The following FAM234A variants were observed in gnomAD, a reference collection of about 807,000 sequenced individuals.
FAM234A encodes protein FAM234A.
In FAM234A, 42 loss-of-function variants were observed where a neutral mutation model predicts 49.1. The ratio of observed to expected loss-of-function variants is 0.86; its 90% CI spans 0.67 to 1.11. The LOEUF is 1.11. Ranked by LOEUF, FAM234A falls within the 50% of genes least tolerant of loss-of-function variation. The pLI, the probability that FAM234A is intolerant of heterozygous loss-of-function variation, is 0.00. For missense variants in FAM234A, 815 were observed against 745.2 expected (o/e 1.09, Z -1.09); for synonymous variants, 369 against 316.2 (o/e 1.17, Z -1.77).
At chr16:269,285 C>T, downstream of FAM234A, 1 of 1,574,654 alleles carries the variant, frequency 6.4e-7, no homozygotes, top group Non-Finnish European at 8.6e-7. Flanking sequence ...CACCCCATCT[C>T]CACCCCCAGG....
At chr16:257,936 C>T (rs567553186) in intron 3 of FAM234A, among the ~76,000 whole-genome samples, 1 of 152,204 alleles carries the variant, frequency 6.6e-6, no homozygotes, top group Non-Finnish European at 1.5e-5. Context: ...CAACTGACTG[C>T]AGCCTCCACC....
chr16:264,462 G>A (rs2051612000), intron 11 of FAM234A, 152 bp from the exon 12 acceptor site: 1 of 691,116 alleles, frequency 1.4e-6, no homozygotes. Flanking sequence ...GGGAGGACCT[G>A]GGAGGTGGCC....
At chr16:239,781 G>T (rs1251487394) in intron 1 of FAM234A, among the ~76,000 whole-genome samples, 1 of 152,104 alleles carries the variant, frequency 6.6e-6, no homozygotes, top group African/African-American at 2.4e-5. Context: ...TTTTTAGGAG[G>T]CATTGTGAGC....
At chr16:248,647 G>T (rs936244094) in intron 1 of FAM234A, among the ~76,000 whole-genome samples, 1 of 151,876 alleles carries the variant, frequency 6.6e-6, no homozygotes, top group East Asian at 1.9e-4. Context: ...TTGAAACAGG[G>T]TCTTGTTCTG....
rs543506127 is a variant in FAM234A, at chr16:265,413, C to T, written c.*391C>T. 133 of 1,015,068 alleles carry T rather than the reference C, an allele frequency of 1.3e-4. No individual in the cohort carries two copies. The African/African-American group carries it at 1.8e-3, about 14-fold the overall frequency. The allele number at this position is 1,015,068 out of a possible 1,614,324, so 62.9% of individuals were successfully genotyped here. A position where few individuals can be genotyped will look rare whatever the true frequency, so the allele number is the denominator to read the frequency against. ...TCTCCCCAGGCCAGAGCGGCCATCG[C>T]GTAGAAAGAACCAGGGTGTCCCCGG... On this transcript the variant is annotated 3_prime_UTR_variant, in exon 13 of 13. Coordinates refer to ENST00000399932, the MANE Select transcript of FAM234A (RefSeq NM_032039.4).
rs2051564585 is a variant in FAM234A at position 263,517 on chromosome 16, G to C, written c.1112+115G>C. On this transcript the variant is annotated intron_variant, in intron 9 of 12. Coordinates refer to ENST00000399932, the MANE Select transcript of FAM234A (RefSeq NM_032039.4). ...GGGGTGGGGCCGGAGGCCGTGTGCT[G>C]CTGCCCGGGCTTCTTGCCTGTCTCT... The C allele has an allele frequency of 2.1e-6, 3 of 1,433,874 alleles. No homozygotes were observed. In the South Asian group the frequency reaches 3.8e-5, roughly 18 times the overall value. The allele number at this position is 1,433,874 out of a possible 1,614,324, so 88.8% of individuals were successfully genotyped here.
At chr16:251,544 T>G (rs1001149684) in intron 2 of FAM234A, among the ~76,000 whole-genome samples, 2 of 151,958 alleles carry the variant, frequency 1.3e-5, no homozygotes, top group African/African-American at 4.8e-5. Context: ...CCAACTAATT[T>G]TTTTGGTATT....
intron 3 of FAM234A, among the ~76,000 whole-genome samples, chr16:257,479 C>G (rs866733962): frequency 2.6e-5 from 4 of 151,894 alleles, no homozygotes; most frequent in Non-Finnish European, 4.4e-5. Context: ...CTCTTGACCT[C>G]AGGTGATCCA....
chr16:247,375 C>T (rs1229189163), intron 1 of FAM234A, among the ~76,000 whole-genome samples: 1 of 150,996 alleles, frequency 6.6e-6, no homozygotes, highest in Admixed American at 6.6e-5. Context: ...GCTTTCCATG[C>T]GCCTCGGCCT....
intron 11 of FAM234A, 27 bp from the exon 12 acceptor site, chr16:264,587 G>A: frequency 6.8e-7 from 1 of 1,475,740 alleles, no homozygotes. Context: ...TGAAGGGCGT[G>A]GGGCCCATTG....
intron 10 of FAM234A, 47 bp from the exon 11 acceptor site, chr16:263,969 C>T: frequency 6.3e-7 from 1 of 1,582,908 alleles, no homozygotes; most frequent in Non-Finnish European, 8.6e-7. Context: ...TCGAGCTTTT[C>T]CCGGTAGCCC....
At chr16:269,636 GC>G (rs746472119), downstream of FAM234A, 20 of 1,390,448 alleles carry the variant, frequency 1.4e-5, no homozygotes, top group Non-Finnish European at 2.0e-5. Context: ...TCACCTCTCA[GC>G]CAGCTCCACC....
intron 1 of FAM234A, among the ~76,000 whole-genome samples, chr16:242,913 G>A (rs538896517): frequency 2.6e-5 from 4 of 151,292 alleles, no homozygotes; most frequent in South Asian, 2.1e-4. Flanking sequence ...CGCCCATCCC[G>A]TGTCAGGTCT....
chr16:265,505 C>T lies in FAM234A; in HGVS notation c.*483C>T, dbSNP rs2051663504. On this transcript the variant is annotated 3_prime_UTR_variant, in exon 13 of 13. Coordinates refer to ENST00000399932, the MANE Select transcript of FAM234A (RefSeq NM_032039.4). ...CTTTTCCCTCCTGTGCTCTGTCCCCCAAGGAGTCATGGAACTCAGGGTACT... is the reference window on the plus strand; with the variant it reads ...CTTTTCCCTCCTGTGCTCTGTCCCCTAAGGAGTCATGGAACTCAGGGTACT... 2 of 987,888 alleles carry T rather than the reference C, an allele frequency of 2.0e-6. No homozygotes were observed. Among genetic ancestry groups the T allele is most frequent in the South Asian group, 4.7e-5 (1 of 21,382 alleles). 61.2% of individuals were successfully genotyped at this position (987,888 alleles called of 1,614,324 possible).
downstream of FAM234A, chr16:269,618 C>G: frequency 6.5e-7 from 1 of 1,530,580 alleles, no homozygotes. Flanking sequence ...CCTGACCCTT[C>G]TGCCTCCTCA....
At chr16:249,808 G>A (rs535301690) in intron 2 of FAM234A, 154 bp downstream of exon 2, 4 of 152,112 alleles carry the variant, frequency 2.6e-5, no homozygotes, top group Admixed American at 6.5e-5. Flanking sequence ...CTCAGAGCTC[G>A]AATTTCTTGG....
intron 1 of FAM234A, among the ~76,000 whole-genome samples, chr16:241,740 A>T (rs1234293048): frequency 6.6e-6 from 1 of 151,814 alleles, no homozygotes; most frequent in Admixed American, 6.6e-5. Flanking sequence ...ACACAGTGAA[A>T]CCCCATCTCT....
downstream of FAM234A, chr16:268,385 T>C (rs1317871650): frequency 3.2e-6 from 1 of 314,228 alleles, no homozygotes; most frequent in Non-Finnish European, 6.2e-6. Context: ...GAGCCAGCCC[T>C]ATGGGTGGGG....
chr16:260,336 C>T, intron 5 of FAM234A, 176 bp downstream of exon 5: 1 of 641,418 alleles, frequency 1.6e-6, no homozygotes, highest in Non-Finnish European at 2.8e-6. Context: ...GTGTGGAAGG[C>T]ACACGCCTCG....
Sources: allele counts gnomAD v4.1 joint callset (sites outside exome capture counted in the v4.1 genomes callset), GRCh38; gene constraint gnomAD v4.1.1; transcripts MANE v1.5; gene names NCBI Gene and HGNC (gene_info 2026-07-23, HGNC 2026-07-21).